Variants in SUN3 observed in about 807,000 individuals in gnomAD.
SUN3 encodes SUN domain-containing protein 3.
A neutral mutation model predicts 48.2 loss-of-function variants in SUN3; 36 were observed. The observed-to-expected ratio is 0.75, with a 90% CI of 0.57 to 0.99. SUN3 has a LOEUF of 0.99. Ranked by LOEUF, SUN3 falls within the 50% of genes least tolerant of loss-of-function variation. SUN3 has a pLI of 0.00. For synonymous variants in SUN3, 148 were observed against 147.9 expected (o/e 1.00, Z 0.00); for missense variants, 419 against 433.1 (o/e 0.97, Z 0.29).
chr7:48,001,040 C>G (rs1317181767), intron 6 of SUN3, among the ~76,000 whole-genome samples: 1 of 151,732 alleles, frequency 6.6e-6, no homozygotes, highest in African/African-American at 2.4e-5. Flanking sequence ...TTTTTTCATT[C>G]TTTGAATTGC....
Position 48,017,308 on chromosome 7 carries a change from A to G in SUN3, c.242T>C (p.Leu81Ser). 3.1e-6 allele frequency: 5 copies of G among 1,610,144 alleles called. No individual in the cohort carries two copies. The highest frequency in any genetic ancestry group is 4.2e-6 in the Non-Finnish European group (5 of 1,177,676). ...ACCATATTCTGCAATTATGGCATAT[A>G]ATTGTCTGGATTTCTGAGGAACATC... ...ETDVPQKSRQ[L>S]YAIIAEYGSR... Residue 81 changes from leucine (L) to serine (S), a missense_variant, in exon 3 of 10, where the codon TTA becomes TCA. Transcript: ENST00000297325.
rs1359038707 is a variant in SUN3, at chr7:47,996,132, C to T, written c.592G>A (p.Glu198Lys). 6.3e-7 allele frequency: 1 copy of T among 1,576,344 alleles called. No homozygotes were observed. Residue 198 changes from glutamate (E) to lysine (K), a missense_variant, in exon 7 of 10, where the codon GAA becomes AAA. Glu to Lys is a moderately conservative substitution (Grantham distance 56, BLOSUM62 1). Transcript: ENST00000297325. ...ALKSAGASII[E>K]AGTSESYKNN... is the part of the protein sequence containing the mutation. Reference sequence around the variant, plus strand: ...TTATAACTTTCTGAGGTCCCAGCTTCAATGATGGAGGCTCCTAAAATTATA... The same window carrying T: ...TTATAACTTTCTGAGGTCCCAGCTTTAATGATGGAGGCTCCTAAAATTATA...
Position 47,994,400 on chromosome 7 carries a change from G to T in SUN3, c.776C>A (p.Pro259Gln). The change falls in exon 8 of 10, where the codon CCA (proline) becomes CAA (glutamine). Residue 259 changes from proline (P) to glutamine (Q), a missense_variant. Physicochemically the swap from Pro to Gln is moderately conservative, Grantham distance 76. Transcript: ENST00000297325. Reference protein sequence around the residue: ...TLIKLATKIIPTAVTMEHISE... With the variant: ...TLIKLATKIIQTAVTMEHISE... Reference sequence around the variant, plus strand: ...GATGTGCTCCATGGTAACAGCAGTTGGTATGATCTTTGTAGCAAGCTTGAT... The same window carrying T: ...GATGTGCTCCATGGTAACAGCAGTTTGTATGATCTTTGTAGCAAGCTTGAT... 1.2e-6 allele frequency: 2 copies of T among 1,613,140 alleles called. No homozygotes were observed. Among genetic ancestry groups the T allele is most frequent in the Non-Finnish European group, 1.7e-6 (2 of 1,179,650 alleles).
At chr7:48,017,463 G>T in intron 2 of SUN3, 98 bp from the exon 3 acceptor site, 1 of 711,900 alleles carries the variant, frequency 1.4e-6, no homozygotes, top group Non-Finnish European at 2.4e-6. Flanking sequence ...TGAAGAATAT[G>T]TATACTCTTA....
intron 1 of SUN3, 45 bp downstream of exon 1, chr7:48,028,772 T>C: frequency 6.2e-7 from 1 of 1,604,548 alleles, no homozygotes. Context: ...ATGTAACACA[T>C]AAAACCTACA....
chr7:48,035,736 G>T, the SUN3 span: 6 of 585,554 alleles, frequency 1.0e-5, no homozygotes, highest in Admixed American at 3.0e-5. The surrounding 1 kb of genome is among the most constrained non-coding windows in gnomAD (Gnocchi z 4.0). Context: ...GGGCTGGAGG[G>T]AGGGGACCAC....
At chr7:48,009,105 C>T in intron 3 of SUN3, 30 bp from the exon 4 acceptor site, 1 of 1,594,512 alleles carries the variant, frequency 6.3e-7, no homozygotes, top group Non-Finnish European at 8.5e-7. Context: ...ATAAATCATT[C>T]TGAATTCTGC....
chr7:47,990,428 C>G (rs189411619), intron 8 of SUN3, among the ~76,000 whole-genome samples: 182 of 152,182 alleles, frequency 1.2e-3, no homozygotes, highest in African/African-American at 4.2e-3. Flanking sequence ...TGCCACATCC[C>G]CCCTCTCCGA....
At chr7:47,987,506 C>G in intron 9 of SUN3, 57 bp from the exon 10 acceptor site, 1 of 1,412,772 alleles carries the variant, frequency 7.1e-7, no homozygotes, top group Non-Finnish European at 9.4e-7. Context: ...TCAAAGAATC[C>G]CAATGAATAC....
intron 6 of SUN3, among the ~76,000 whole-genome samples, chr7:48,001,415 T>C (rs1056091465): frequency 3.3e-5 from 5 of 152,154 alleles, no homozygotes; most frequent in African/African-American, 1.2e-4. Context: ...AAGGACATGA[T>C]CTTGTTCTTT....
intron 3 of SUN3, among the ~76,000 whole-genome samples, chr7:48,016,376 C>T (rs1467200756): frequency 6.6e-6 from 1 of 152,194 alleles, no homozygotes; most frequent in Non-Finnish European, 1.5e-5. Context: ...TATTCTTTCT[C>T]CGTTGCAATT....
chr7:48,014,346 C>T (rs1255854275), intron 3 of SUN3, among the ~76,000 whole-genome samples: 1 of 152,174 alleles, frequency 6.6e-6, no homozygotes, highest in Non-Finnish European at 1.5e-5. Context: ...TCTCAGATAA[C>T]TTATTTATTT....
intron 6 of SUN3, among the ~76,000 whole-genome samples, chr7:48,001,525 T>TA (rs1191667589): frequency 1.7e-5 from 2 of 118,570 alleles, no homozygotes; most frequent in Non-Finnish European, 3.7e-5. Flanking sequence ...CTTTTCTGTT[T>TA]TTTTTGTTTT....
At chr7:48,001,855 T>A (rs1789386970) in intron 6 of SUN3, among the ~76,000 whole-genome samples, 1 of 152,194 alleles carries the variant, frequency 6.6e-6, no homozygotes, top group Non-Finnish European at 1.5e-5. Flanking sequence ...TCTTTTCTAT[T>A]GTGAATAGTG....
chr7:48,000,011 T>C (rs377742742), intron 6 of SUN3: 1 of 152,258 alleles, frequency 6.6e-6, no homozygotes, highest in African/African-American at 2.4e-5. Context: ...ACTTTTCCTT[T>C]ATGGTTGTCA....
At chr7:47,996,802 CTTTT>C (rs35247146) in intron 6 of SUN3, among the ~76,000 whole-genome samples, 2 of 135,348 alleles carry the variant, frequency 1.5e-5, no homozygotes. Context: ...TTCTTTCCTT[CTTTT>C]TTTTTTTTTT....
chr7:47,988,394 C>A (rs1290970534), intron 9 of SUN3, among the ~76,000 whole-genome samples: 1 of 152,182 alleles, frequency 6.6e-6, no homozygotes, highest in Admixed American at 6.5e-5. Flanking sequence ...TCTTTATCCT[C>A]TATTCCTTTG....
chr7:48,012,108 A>G (rs1257169581), intron 3 of SUN3, among the ~76,000 whole-genome samples: 1 of 152,226 alleles, frequency 6.6e-6, no homozygotes, highest in Non-Finnish European at 1.5e-5. Context: ...AACCTTCCTA[A>G]AACATCCCTC....
rs1205465434 is a variant in SUN3, at chr7:48,006,052, T to G, written c.494A>C (p.Glu165Ala). The G allele has an allele frequency of 1.9e-6, 3 of 1,588,468 alleles. No individual in the cohort carries two copies. Among genetic ancestry groups the G allele is most frequent in the Non-Finnish European group, 2.6e-6 (3 of 1,163,684 alleles). ...TACATAATTGACCAAGTTTGACACT[T>G]CCTGTAGAAATTTTATAAACAGTTT... ...DPVEDPDHTEEVSNLVNYVLK... is the reference protein window; with the variant it reads ...DPVEDPDHTEAVSNLVNYVLK... Residue 165 changes from glutamate to alanine, a missense_variant and splice_region_variant, in exon 6 of 10, where the codon GAA (glutamate) becomes GCA (alanine). Coordinates refer to ENST00000297325, the MANE Select transcript of SUN3 (RefSeq NM_001030019.2).
Sources: gnomAD v4.1 joint callset for allele counts (sites outside exome capture counted in the v4.1 genomes callset) on GRCh38, gnomAD v4.1.1 for gene constraint, Gnocchi (gnomAD v3.1) non-coding constraint, MANE v1.5 for transcripts, NCBI Gene and HGNC (gene_info 2026-07-23, HGNC 2026-07-21) for gene names.